The following HOXD3 variants were observed in gnomAD, a reference collection of about 807,000 sequenced individuals.
HOXD3 encodes homeobox protein Hox-D3.
Under a neutral mutation model 32.8 loss-of-function variants are expected in HOXD3, and 13 were observed. The ratio of observed to expected loss-of-function variants is 0.40; its 90% CI spans 0.26 to 0.63. The LOEUF (loss-of-function observed/expected upper bound fraction) is 0.63, where lower values mean the gene tolerates loss of function less well. HOXD3 is among the 20% of genes least tolerant of loss of function. The pLI, the probability that HOXD3 is intolerant of heterozygous loss-of-function variation, is 0.44. For synonymous variants in HOXD3, 241 were observed against 246.8 expected, an observed-to-expected ratio of 0.98 and a Z score of 0.22; for missense variants, 504 against 577.1, an observed-to-expected ratio of 0.87 and a Z score of 1.30.
Position 176,172,363 on chromosome 2 carries a change from ACCCC to A in HOXD3, c.*91_*94del. On this transcript the variant is annotated 3_prime_UTR_variant, in exon 4 of 4. Coordinates refer to ENST00000683222, the MANE Select transcript of HOXD3 (RefSeq NM_006898.5). ...GTGGGGCCCGCGGGGCAGTTCGGGA[ACCCC>A]CTTCCCCGCTCTTGCCCTGCCGCCG... 2.3e-6 allele frequency: 3 copies of A among 1,295,462 alleles called. No homozygotes were observed. Among genetic ancestry groups the A allele is most frequent in the Non-Finnish European group, 3.1e-6 (3 of 963,894 alleles). 80.2% of individuals were successfully genotyped at this position (1,295,462 alleles called of 1,614,324 possible). A position where few individuals can be genotyped will look rare whatever the true frequency, so the allele number is the denominator to read the frequency against.
chr2:176,152,832 G>C, upstream of HOXD3: 1 of 1,614,204 alleles, frequency 6.2e-7, no homozygotes. This position sits in a 1 kb window ranked among gnomAD's most constrained non-coding sequence, Gnocchi z 5.2. Context: ...CAACACTAAA[G>C]GCAGGTCATC....
intron 3 of HOXD3, 115 bp from the exon 4 acceptor site, chr2:176,171,402 A>C: frequency 2.0e-6 from 2 of 981,530 alleles, no homozygotes; most frequent in Non-Finnish European, 2.9e-6. Flanking sequence ...CTCCCCAGCC[A>C]GGATTGGAGG....
chr2:176,154,437 A>G (rs1399451792), upstream of HOXD3, among the ~76,000 whole-genome samples: 1 of 152,188 alleles, frequency 6.6e-6, no homozygotes. Flanking sequence ...CTCAGGCTCC[A>G]AAAAAGGTTG....
upstream of HOXD3, among the ~76,000 whole-genome samples, chr2:176,153,715 C>T (rs1690591013): frequency 6.6e-6 from 1 of 152,120 alleles, no homozygotes; most frequent in Non-Finnish European, 1.5e-5. Flanking sequence ...ATAGGGGGGC[C>T]TTAACCCTTC....
At chr2:176,154,979 T>A (rs1690615374), upstream of HOXD3, among the ~76,000 whole-genome samples, 1 of 152,232 alleles carries the variant, frequency 6.6e-6, no homozygotes, top group African/African-American at 2.4e-5. Context: ...ATCAGGTTCA[T>A]CCAGAGGACA....
chr2:176,171,838 C>T lies in HOXD3; in HGVS notation c.863C>T (p.Pro288Leu). The T allele has an allele frequency of 6.2e-7, 1 of 1,607,216 alleles. No individual in the cohort carries two copies. The change falls in exon 4 of 4, where the codon CCA becomes CTA. Residue 288 changes from proline to leucine, a missense_variant. Coordinates refer to ENST00000683222, the MANE Select transcript of HOXD3 (RefSeq NM_006898.5). The part of the protein sequence containing the change: ...GHVAYSGQLP[P>L]VPGLAYDAPS... Reference sequence around the variant, plus strand: ...GTGGCCTACTCCGGCCAGCTGCCGCCAGTGCCCGGCCTGGCCTACGACGCG... The same window carrying T: ...GTGGCCTACTCCGGCCAGCTGCCGCTAGTGCCCGGCCTGGCCTACGACGCG...
Position 176,172,932 on chromosome 2 carries a change from G to T in HOXD3, c.*658G>T, listed in dbSNP as rs1434601155. On this transcript the variant is annotated 3_prime_UTR_variant, in exon 4 of 4. Coordinates refer to ENST00000683222, the MANE Select transcript of HOXD3 (RefSeq NM_006898.5). The stretch of plus-strand genomic sequence containing the variant: ...GCTGGTGTTTGTAGTTGACATAAAG[G>T]ATTAAGACCGCAAATTGTCCTTCAT... The T allele has an allele frequency of 6.5e-6, 1 of 152,682 alleles. No homozygotes were observed. Among genetic ancestry groups the T allele is most frequent in the East Asian group, 1.9e-4 (1 of 5,196 alleles). The allele number at this position is 152,682 out of a possible 1,614,324, so 9.5% of individuals were successfully genotyped here.
intron 1 of HOXD3, among the ~76,000 whole-genome samples, chr2:176,163,715 G>A (rs1452548376): frequency 6.6e-6 from 1 of 152,110 alleles, no homozygotes; most frequent in Non-Finnish European, 1.5e-5. Flanking sequence ...CCCTAGGAGA[G>A]TGTTTGGCTT....
chr2:176,172,320 G>T lies in HOXD3; in HGVS notation c.*46G>T. ...TCGCGGCAAAATTACCTCTCTTGCTGTAGTGGTGGGGTAGAGGGTGGGGCC... is the reference window on the plus strand; with the variant it reads ...TCGCGGCAAAATTACCTCTCTTGCTTTAGTGGTGGGGTAGAGGGTGGGGCC... On this transcript the variant is annotated 3_prime_UTR_variant, in exon 4 of 4. Transcript: ENST00000683222. 6.5e-7 allele frequency: 1 copy of T among 1,536,510 alleles called. No homozygotes were observed. Among genetic ancestry groups the T allele is most frequent in the Non-Finnish European group, 8.8e-7 (1 of 1,141,810 alleles).
intron 1 of HOXD3, among the ~76,000 whole-genome samples, chr2:176,158,677 T>C (rs999563021): frequency 7.9e-5 from 12 of 152,334 alleles, no homozygotes; most frequent in African/African-American, 2.6e-4. Flanking sequence ...TTATGAATTA[T>C]ACATTCAAAC....
At chr2:176,158,516 C>T (rs537357296) in intron 1 of HOXD3, among the ~76,000 whole-genome samples, 6 of 152,096 alleles carry the variant, frequency 3.9e-5, no homozygotes, top group Non-Finnish European at 8.8e-5. Flanking sequence ...CCTCCATTGG[C>T]TTTCAGAATG....
At chr2:176,156,569 C>T (rs532209556), upstream of HOXD3, among the ~76,000 whole-genome samples, 1 of 152,082 alleles carries the variant, frequency 6.6e-6, no homozygotes, top group Non-Finnish European at 1.5e-5. Context: ...CTGACCTGAC[C>T]CCCGGGCCTC....
At chr2:176,163,377 T>G (rs1458080675) in intron 1 of HOXD3, among the ~76,000 whole-genome samples, 3 of 133,500 alleles carry the variant, frequency 2.2e-5, no homozygotes, top group African/African-American at 5.7e-5. Context: ...GTGACAGTGG[T>G]GGGGGAGCTT....
intron 3 of HOXD3, 44 bp from the exon 4 acceptor site, chr2:176,171,473 C>T: frequency 6.5e-7 from 1 of 1,532,526 alleles, no homozygotes; most frequent in South Asian, 1.3e-5. Context: ...CTGAGGGTCC[C>T]CACCCACTCG....
At chr2:176,153,121 G>T, upstream of HOXD3, 2 of 540,448 alleles carry the variant, frequency 3.7e-6, no homozygotes, top group Non-Finnish European at 6.8e-6. Context: ...TCCCTAGAGC[G>T]GGATGGGGAT....
At chr2:176,156,041 A>G (rs1334639707), upstream of HOXD3, among the ~76,000 whole-genome samples, 1 of 152,204 alleles carries the variant, frequency 6.6e-6, no homozygotes, top group East Asian at 1.9e-4. Context: ...TAATTCATTG[A>G]TCTATATTTA....
chr2:176,162,297 T>C (rs1329463987), intron 1 of HOXD3, among the ~76,000 whole-genome samples: 1 of 152,210 alleles, frequency 6.6e-6, no homozygotes, highest in Non-Finnish European at 1.5e-5. Context: ...CCATGGAGCA[T>C]TCACTTATAA....
chr2:176,156,393 T>C (rs931875544), upstream of HOXD3, among the ~76,000 whole-genome samples: 2 of 152,234 alleles, frequency 1.3e-5, no homozygotes. Context: ...GGGATCCAGG[T>C]TGGCATTCTG....
At chr2:176,156,411 CG>C (rs1395961693), upstream of HOXD3, among the ~76,000 whole-genome samples, 3 of 152,170 alleles carry the variant, frequency 2.0e-5, no homozygotes, top group African/African-American at 4.8e-5. Flanking sequence ...CTGCTGGGCC[CG>C]GGCCAGGCCC....
Sources: allele counts gnomAD v4.1 joint callset (sites outside exome capture counted in the v4.1 genomes callset), GRCh38; gene constraint gnomAD v4.1.1; non-coding constraint Gnocchi (gnomAD v3.1); transcripts MANE v1.5; gene names NCBI Gene and HGNC (gene_info 2026-07-23, HGNC 2026-07-21).